The following RCC2 variants were observed in gnomAD, a reference collection of about 807,000 sequenced individuals.
The protein encoded by RCC2 is regulator of chromosome condensation 2.
RCC2 carries 19 observed loss-of-function variants against 64.1 expected under a neutral mutation model. The ratio of observed to expected loss-of-function variants is 0.30; its 90% CI spans 0.21 to 0.44. The LOEUF (loss-of-function observed/expected upper bound fraction) is 0.44. RCC2 is among the 20% of genes least tolerant of loss of function. The pLI is 1.00. For missense variants in RCC2, 508 were observed against 710.4 expected, an observed-to-expected ratio of 0.72 and a Z score of 3.24; for synonymous variants, 325 against 279.6, an observed-to-expected ratio of 1.16 and a Z score of -1.62.
chr1:17,439,443 C>A (rs2075782557), intron 1 of RCC2, 102 bp downstream of exon 1: 1 of 149,050 alleles, frequency 6.7e-6, no homozygotes, highest in African/African-American at 2.4e-5. Context: ...CCCAGCCCCC[C>A]TCCCCCAGGT....
intron 11 of RCC2, among the ~76,000 whole-genome samples, chr1:17,410,587 C>T (rs2075413399): frequency 6.6e-6 from 1 of 152,192 alleles, no homozygotes; most frequent in Non-Finnish European, 1.5e-5. Flanking sequence ...ATTGGCGCAG[C>T]TAAGGGGGAG....
chr1:17,417,697 CA>C (rs1162431478), intron 7 of RCC2, among the ~76,000 whole-genome samples: 2 of 151,638 alleles, frequency 1.3e-5, no homozygotes, highest in Non-Finnish European at 1.5e-5. Context: ...AAAAAACAAA[CA>C]AAAAAACTTG....
intron 8 of RCC2, 93 bp from the exon 9 acceptor site, chr1:17,413,810 T>C (rs2075452364): frequency 8.7e-6 from 10 of 1,146,550 alleles, no homozygotes; most frequent in Non-Finnish European, 1.1e-5. Flanking sequence ...CTGGTGCAAA[T>C]GCTAAGGGCA....
chr1:17,422,379 A>C, intron 5 of RCC2, 88 bp from the exon 6 acceptor site: 1 of 1,247,630 alleles, frequency 8.0e-7, no homozygotes, highest in Non-Finnish European at 1.2e-6. Flanking sequence ...AAATAATAAA[A>C]ACAGCTCATT....
Position 17,422,212 on chromosome 1 carries a change from G to C in RCC2, c.735C>G (p.Ser245Arg). 6.2e-7 allele frequency: 1 copy of C among 1,611,536 alleles called. No homozygotes were observed. Among genetic ancestry groups the C allele is most frequent in the Non-Finnish European group, 8.5e-7 (1 of 1,178,898 alleles). Residue 245 changes from serine to arginine, a missense_variant, in exon 6 of 13, where the codon AGC becomes AGG. By Grantham distance (110) the Ser-to-Arg change is moderately radical. Transcript: ENST00000375436. ...GCTGAGGAGGGGTCACCTGCGCGGG[G>C]CTGGGAACAGCGTCTGTCTGGTTGC... is the stretch of plus-strand genomic sequence containing the variant. ...GLGNQTDAVPSPAQIMYNGQP... is the reference protein window; with the variant it reads ...GLGNQTDAVPRPAQIMYNGQP...
intron 8 of RCC2, among the ~76,000 whole-genome samples, chr1:17,415,617 G>A (rs575600756): frequency 1.3e-5 from 2 of 151,978 alleles, no homozygotes; most frequent in African/African-American, 2.4e-5. Flanking sequence ...GGCTGAGGCA[G>A]GAGAATAGCT....
In RCC2 at chr1:17,433,013, C is replaced by CAT. The variant is rs34130431; in HGVS notation, c.286-3816_286-3815dup. Among the ~76,000 whole-genome samples, 1,081 of 152,064 alleles carry CAT rather than the reference C, an allele frequency of 7.1e-3. 11 individuals are homozygous for CAT. The highest frequency in any genetic ancestry group is 0.025 in the African/African-American group (1,025 of 41,486). The stretch of plus-strand genomic sequence containing the variant: ...AAATATATATATACACTCACACACA[C>CAT]ATATATATACACACACACACACATA... On this transcript the variant is annotated intron_variant, in intron 2 of 12. Transcript: ENST00000375436.
intron 11 of RCC2, among the ~76,000 whole-genome samples, chr1:17,410,563 A>G (rs932709811): frequency 1.3e-5 from 2 of 152,228 alleles, no homozygotes; most frequent in African/African-American, 4.8e-5. Flanking sequence ...CCAGAGGTAG[A>G]AGGAACTGGA....
chr1:17,410,380 T>G (rs1215471284), intron 11 of RCC2, among the ~76,000 whole-genome samples: 2 of 152,196 alleles, frequency 1.3e-5, no homozygotes, highest in African/African-American at 4.8e-5. Context: ...GCAGGAAGAA[T>G]GGCAACTGCG....
At chr1:17,420,564 TGCTGAA>T in intron 7 of RCC2, 144 bp downstream of exon 7, 1 of 487,348 alleles carries the variant, frequency 2.1e-6, no homozygotes, top group Non-Finnish European at 3.7e-6. Context: ...CGCGCTGTTC[TGCTGAA>T]CGTGAGATCC....
intron 12 of RCC2, 45 bp downstream of exon 12, chr1:17,409,929 T>G (rs754988042): frequency 6.7e-7 from 1 of 1,494,520 alleles, no homozygotes; most frequent in Non-Finnish European, 9.3e-7. Context: ...GACATACCAC[T>G]GGGTACGGAC....
chr1:17,425,440 T>C lies in RCC2; in HGVS notation c.523+101A>G, dbSNP rs1367173287. On this transcript the variant is annotated intron_variant, in intron 4 of 12. Transcript: ENST00000375436. ...GGCTGTGAACGAAGGAGCCCAGCCTTATAAGACGCGAGTCTCTTTTCCAGG... is the reference window on the plus strand; with the variant it reads ...GGCTGTGAACGAAGGAGCCCAGCCTCATAAGACGCGAGTCTCTTTTCCAGG... 4.0e-6 allele frequency: 5 copies of C among 1,251,954 alleles called. No homozygotes were observed. In the African/African-American group the frequency reaches 6.1e-5, roughly 15 times the overall value. The allele number at this position is 1,251,954 out of a possible 1,614,324, so 77.6% of individuals were successfully genotyped here.
chr1:17,421,784 G>T (rs972819291), intron 6 of RCC2, among the ~76,000 whole-genome samples: 4 of 152,164 alleles, frequency 2.6e-5, no homozygotes, highest in African/African-American at 7.2e-5. Flanking sequence ...CCAGTACTTT[G>T]GGAGGCCGAG....
At chr1:17,410,105 A>G in intron 11 of RCC2, 54 bp from the exon 12 acceptor site, 2 of 1,512,290 alleles carry the variant, frequency 1.3e-6, no homozygotes, top group Non-Finnish European at 1.8e-6. Context: ...CTCAGTCCAC[A>G]AGTGGGGAAT....
chr1:17,432,079 ACT>A (rs1400319564), intron 2 of RCC2, among the ~76,000 whole-genome samples: 4 of 152,152 alleles, frequency 2.6e-5, no homozygotes, highest in Admixed American at 6.6e-5. Flanking sequence ...CAAGAGCGAA[ACT>A]CTGTCTCAAA....
chr1:17,415,924 C>G (rs1350060423), intron 8 of RCC2, among the ~76,000 whole-genome samples: 1 of 151,210 alleles, frequency 6.6e-6, no homozygotes, highest in Non-Finnish European at 1.5e-5. Context: ...CAAAACTAGC[C>G]GGGGCATGGT....
intron 4 of RCC2, among the ~76,000 whole-genome samples, chr1:17,424,627 T>C (rs932801095): frequency 2.6e-5 from 4 of 152,180 alleles, no homozygotes; most frequent in African/African-American, 9.6e-5. Context: ...GTTAATATAT[T>C]TGGACTTTGG....
Position 17,408,787 on chromosome 1 carries a change from CTT to C in RCC2, c.*301_*302del, listed in dbSNP as rs2075393407. The C allele has an allele frequency of 2.7e-5, 8 of 297,142 alleles. No homozygotes were observed. Among genetic ancestry groups the C allele is most frequent in the Admixed American group, 2.4e-4 (5 of 21,088 alleles). The allele number at this position is 297,142 out of a possible 1,614,324, so 18.4% of individuals were successfully genotyped here. On this transcript the variant is annotated 3_prime_UTR_variant, in exon 13 of 13. Transcript: ENST00000375436. ...ATTCAGGAGAGGAAGAAAGAAAAAACTTAAAAAAAAAAAAAACCTAGATTGCT... is the reference window on the plus strand; with the variant it reads ...ATTCAGGAGAGGAAGAAAGAAAAAACAAAAAAAAAAAAAACCTAGATTGCT...
intron 3 of RCC2, 122 bp from the exon 4 acceptor site, chr1:17,425,806 C>CGGGT: frequency 1.9e-6 from 2 of 1,025,888 alleles, no homozygotes; most frequent in Non-Finnish European, 2.9e-6. Context: ...TCGGGTGCCA[C>CGGGT]CCTGCCTTGG....
Sources: allele counts gnomAD v4.1 joint callset (sites outside exome capture counted in the v4.1 genomes callset), GRCh38; gene constraint gnomAD v4.1.1; transcripts MANE v1.5; gene names NCBI Gene and HGNC (gene_info 2026-07-23, HGNC 2026-07-21).